VTI1A: variants seen among roughly 807,000 people sequenced by gnomAD.
VTI1A encodes the protein vesicle transport through interaction with t-SNAREs homolog 1A.
Under a neutral mutation model 34.9 loss-of-function variants are expected in VTI1A, and 22 were observed. The ratio of observed to expected loss-of-function variants is 0.63; its 90% CI spans 0.45 to 0.90. The LOEUF (loss-of-function observed/expected upper bound fraction) is 0.90, where lower values mean the gene tolerates loss of function less well. Among genes scored for constraint, VTI1A ranks in the 40% least tolerant of loss-of-function variants. The pLI is 0.00. For synonymous variants in VTI1A, 87 were observed against 97.3 expected (o/e 0.89, Z 0.62); for missense variants, 268 against 275.6 (o/e 0.97, Z 0.20).
intron 7 of VTI1A, among the ~76,000 whole-genome samples, chr10:112,694,212 T>C (rs192644854): frequency 1.3e-5 from 2 of 152,036 alleles, no homozygotes; most frequent in South Asian, 2.1e-4. Context: ...TCTCAAAAAA[T>C]ATATATTTTT....
At chr10:112,689,932 C>T (rs1290809580) in intron 7 of VTI1A, among the ~76,000 whole-genome samples, 1 of 152,110 alleles carries the variant, frequency 6.6e-6, no homozygotes, top group African/African-American at 2.4e-5. Flanking sequence ...TCTCTTTCCC[C>T]ACCCTGCCAC....
At chr10:112,615,840 A>G (rs975369892) in intron 5 of VTI1A, among the ~76,000 whole-genome samples, 1 of 152,168 alleles carries the variant, frequency 6.6e-6, no homozygotes, top group African/African-American at 2.4e-5. Flanking sequence ...GACAGGAAGG[A>G]GTATGGCACA....
intron 7 of VTI1A, among the ~76,000 whole-genome samples, chr10:112,673,873 T>A (rs1847944564): frequency 6.6e-6 from 1 of 152,202 alleles, no homozygotes; most frequent in African/African-American, 2.4e-5. Context: ...AATGTAATTT[T>A]TAAAATAAAA....
At chr10:112,810,257 G>A (rs976429092) in intron 7 of VTI1A, among the ~76,000 whole-genome samples, 6 of 151,930 alleles carry the variant, frequency 3.9e-5, no homozygotes, top group Admixed American at 3.9e-4. Context: ...ACAAAAATTA[G>A]CTGGACATGG....
rs376673737 is a variant in VTI1A at position 112,743,873 on chromosome 10, G to A, written c.561-71417G>A. ...ATGAACACCTTTCTTCCTGGTATAA[G>A]CTTTAGAGTTAATATTTTACAAATA... On this transcript the variant is annotated intron_variant, in intron 7 of 7. Coordinates refer to ENST00000393077, the MANE Select transcript of VTI1A (RefSeq NM_145206.4). Among the ~76,000 whole-genome samples, 13 of 152,246 alleles carry A rather than the reference G, an allele frequency of 8.5e-5. No individual in the cohort carries two copies. In the East Asian group the frequency reaches 1.7e-3, roughly 20 times the overall value.
chr10:112,722,348 C>T (rs1243834931), intron 7 of VTI1A, among the ~76,000 whole-genome samples: 12 of 150,680 alleles, frequency 8.0e-5, no homozygotes, highest in African/African-American at 1.7e-4. Flanking sequence ...CATCACACAC[C>T]GGGACCTGTC....
At chr10:112,475,274 TA>T (rs1397039163) in intron 3 of VTI1A, among the ~76,000 whole-genome samples, 1 of 152,246 alleles carries the variant, frequency 6.6e-6, no homozygotes, top group Non-Finnish European at 1.5e-5. Flanking sequence ...ACCTGTAAAA[TA>T]ACTTCCATGT....
intron 7 of VTI1A, among the ~76,000 whole-genome samples, chr10:112,755,739 T>G (rs1332651430): frequency 6.6e-6 from 1 of 152,178 alleles, no homozygotes; most frequent in Non-Finnish European, 1.5e-5. Context: ...CAAAAAATAA[T>G]AAACATACTT....
At chr10:112,557,750 T>C (rs1283332431) in intron 5 of VTI1A, among the ~76,000 whole-genome samples, 1 of 152,212 alleles carries the variant, frequency 6.6e-6, no homozygotes, top group Non-Finnish European at 1.5e-5. Context: ...TGAGCCCATC[T>C]TTCTCTTTAG....
intron 3 of VTI1A, chr10:112,464,880 C>G (rs17129806): frequency 7.3e-6 from 4 of 551,152 alleles, no homozygotes; most frequent in Non-Finnish European, 6.4e-6. Flanking sequence ...CCAAATCATG[C>G]GGCCCTTTGA....
chr10:112,851,475 C>T, the VTI1A span, among the ~76,000 whole-genome samples: 6 of 152,186 alleles, frequency 3.9e-5, no homozygotes, highest in Non-Finnish European at 5.9e-5. Flanking sequence ...ACGCTGAACC[C>T]CTGTGGAAGT....
chr10:112,561,445 G>T (rs910887765), intron 5 of VTI1A, among the ~76,000 whole-genome samples: 1 of 152,148 alleles, frequency 6.6e-6, no homozygotes, highest in Non-Finnish European at 1.5e-5. Flanking sequence ...AGAAATGGTT[G>T]GACTAGGGAC....
In VTI1A at chr10:112,633,715, A is replaced by G. The variant is rs376658805; in HGVS notation, c.428-34503A>G. ...TTACCTTACCCTGACTCTGTCACCAAATTTTATTAAATGCCTCTCCTATTT... is the reference window on the plus strand; with the variant it reads ...TTACCTTACCCTGACTCTGTCACCAGATTTTATTAAATGCCTCTCCTATTT... On this transcript the variant is annotated intron_variant, in intron 5 of 7. Transcript: ENST00000393077. 3.6e-4 allele frequency among the ~76,000 whole-genome samples: 55 copies of G among 152,282 alleles called. 1 individual carries two copies. In the South Asian group the frequency reaches 9.5e-3, roughly 26 times the overall value.
chr10:112,672,978 T>C (rs1847902147), intron 7 of VTI1A, among the ~76,000 whole-genome samples: 1 of 152,136 alleles, frequency 6.6e-6, no homozygotes, highest in African/African-American at 2.4e-5. Context: ...CTACTTTACC[T>C]TGGCTCCTCC....
intron 5 of VTI1A, among the ~76,000 whole-genome samples, chr10:112,624,006 T>A (rs1845827672): frequency 6.6e-6 from 1 of 152,190 alleles, no homozygotes; most frequent in Non-Finnish European, 1.5e-5. Flanking sequence ...TTGTCCATCA[T>A]CTTTCAAGAA....
chr10:112,687,557 G>T (rs1433332842), intron 7 of VTI1A, among the ~76,000 whole-genome samples: 2 of 150,672 alleles, frequency 1.3e-5, no homozygotes, highest in Admixed American at 6.6e-5. Flanking sequence ...CAACAATTTT[G>T]CTTTAATAGG....
In VTI1A at chr10:112,469,960, C is replaced by A. The variant is rs138062716; in HGVS notation, c.264+5303C>A. Among the ~76,000 whole-genome samples the A allele has an allele frequency of 6.9e-3, 1,058 of 152,312 alleles. 13 individuals carry two copies. Among genetic ancestry groups the A allele is most frequent in the African/African-American group, 0.025 (1,028 of 41,584 alleles). On this transcript the variant is annotated intron_variant, in intron 3 of 7. Transcript: ENST00000393077. The stretch of plus-strand genomic sequence containing the variant: ...CTTGCTGCACTCCCTGTGGGCTCCC[C>A]CTCCGTGTGCTGCAATTGGGAAAGT...
intron 7 of VTI1A, among the ~76,000 whole-genome samples, chr10:112,803,071 A>T (rs1368674370): frequency 6.6e-6 from 1 of 151,866 alleles, no homozygotes; most frequent in African/African-American, 2.4e-5. Flanking sequence ...ATTTTATTTT[A>T]TTTTTTTATT....
At chr10:112,595,502 G>A (rs1844596349) in intron 5 of VTI1A, among the ~76,000 whole-genome samples, 1 of 152,156 alleles carries the variant, frequency 6.6e-6, no homozygotes, top group Non-Finnish European at 1.5e-5. Flanking sequence ...AGTGGGCAAA[G>A]GACATGAACG....
Sources: allele counts gnomAD v4.1 joint callset (sites outside exome capture counted in the v4.1 genomes callset), GRCh38; gene constraint gnomAD v4.1.1; transcripts MANE v1.5; gene names NCBI Gene and HGNC (gene_info 2026-07-23, HGNC 2026-07-21).